The following TASP1 variants were observed in gnomAD, a reference collection of about 807,000 sequenced individuals.
TASP1 encodes threonine aspartase 1.
TASP1 carries 16 observed loss-of-function variants against 56.6 expected under a neutral mutation model. The observed-to-expected ratio is 0.28, with a 90% confidence interval of 0.19 to 0.43. The LOEUF is 0.43. Among genes scored for constraint, TASP1 ranks in the 20% least tolerant of loss-of-function variants. The probability of loss-of-function intolerance (pLI) is 1.00; values close to 1 mark genes in which losing one functional copy is unlikely to be tolerated. For missense variants in TASP1, 393 were observed against 511.6 expected, an observed-to-expected ratio of 0.77 and a Z score of 2.24; for synonymous variants, 179 against 184.2, an observed-to-expected ratio of 0.97 and a Z score of 0.23.
At chr20:13,489,550 G>C (rs1359746504) in intron 10 of TASP1, among the ~76,000 whole-genome samples, 1 of 152,034 alleles carries the variant, frequency 6.6e-6, no homozygotes, top group African/African-American at 2.4e-5. Context: ...AAAGAAAAAA[G>C]AAAGAAAACA....
the TASP1 span, among the ~76,000 whole-genome samples, chr20:13,240,236 A>G: frequency 1.3e-5 from 2 of 152,260 alleles, no homozygotes; most frequent in African/African-American, 4.8e-5. Flanking sequence ...CTTATGTTCT[A>G]GAAAGAAAAC....
chr20:13,437,476 T>C lies in TASP1; in HGVS notation c.986-2322A>G, dbSNP rs371175408. On this transcript the variant is annotated intron_variant, in intron 11 of 13. Coordinates refer to ENST00000337743, the MANE Select transcript of TASP1 (RefSeq NM_017714.3). ...GACAGGGATGCCCTCTCTCACCACT[T>C]CTATTCAACATAGTGTTGGAAGTTC... Among the ~76,000 whole-genome samples the C allele has an allele frequency of 3.3e-5, 5 of 152,198 alleles. No homozygotes were observed. In the South Asian group the frequency reaches 6.2e-4, roughly 19 times the overall value.
the TASP1 span, among the ~76,000 whole-genome samples, chr20:13,217,168 T>C: frequency 6.6e-6 from 1 of 152,232 alleles, no homozygotes. Flanking sequence ...AGATGCATAC[T>C]GAAATATGTA....
chr20:13,539,384 T>G (rs973389605), intron 8 of TASP1, among the ~76,000 whole-genome samples: 1 of 151,918 alleles, frequency 6.6e-6, no homozygotes, highest in Non-Finnish European at 1.5e-5. Context: ...ACCCTGCCTC[T>G]ACAAAAAATA....
chr20:13,589,830 A>C (rs906061172), intron 4 of TASP1, among the ~76,000 whole-genome samples: 19 of 152,364 alleles, frequency 1.2e-4, no homozygotes, highest in Non-Finnish European at 2.6e-4. Flanking sequence ...AAGATATATA[A>C]ATCAACAGCA....
At chr20:13,469,891 C>T (rs1014090626) in intron 11 of TASP1, among the ~76,000 whole-genome samples, 1 of 136,660 alleles carries the variant, frequency 7.3e-6, no homozygotes, top group African/African-American at 2.7e-5. Flanking sequence ...TCACTGCAAC[C>T]TCTGCTTCCT....
At chr20:13,202,548 CT>C in the TASP1 span, among the ~76,000 whole-genome samples, 1 of 152,188 alleles carries the variant, frequency 6.6e-6, no homozygotes, top group South Asian at 2.1e-4. Context: ...TCATGATTCA[CT>C]GTAAGACATG....
chr20:13,202,808 C>T, the TASP1 span, among the ~76,000 whole-genome samples: 1 of 152,172 alleles, frequency 6.6e-6, no homozygotes, highest in South Asian at 2.1e-4. Flanking sequence ...GAACAGAGTT[C>T]GAACAGTTGG....
the TASP1 span, among the ~76,000 whole-genome samples, chr20:13,346,841 A>T: frequency 6.6e-6 from 1 of 152,254 alleles, no homozygotes; most frequent in Non-Finnish European, 1.5e-5. Context: ...AGGGCATTTC[A>T]ATACACCATT....
chr20:13,622,754 G>C (rs780763754), intron 4 of TASP1, among the ~76,000 whole-genome samples: 3 of 152,074 alleles, frequency 2.0e-5, no homozygotes, highest in Non-Finnish European at 4.4e-5. Flanking sequence ...TTCTCAACCA[G>C]AAAAATATTT....
At chr20:13,431,821 G>A (rs1226430335) in intron 12 of TASP1, among the ~76,000 whole-genome samples, 1 of 152,088 alleles carries the variant, frequency 6.6e-6, no homozygotes, top group Non-Finnish European at 1.5e-5. Context: ...GGAACTGGTG[G>A]TTTTATAAGA....
At chr20:13,526,716 G>A (rs1233166592) in intron 10 of TASP1, among the ~76,000 whole-genome samples, 1 of 152,084 alleles carries the variant, frequency 6.6e-6, no homozygotes, top group Non-Finnish European at 1.5e-5. Flanking sequence ...AAGATAGGCA[G>A]GCATGAGAAG....
rs118101881 is a variant in TASP1 at position 13,560,803 on chromosome 20, A to T, written c.569-1689T>A. On this transcript the variant is annotated intron_variant, in intron 7 of 13. Transcript: ENST00000337743. ...AAAGAGAAGATGGTTACTTGAAGAA[A>T]TAATAGCTGAAAACTTGCCAAATTT... Among the ~76,000 whole-genome samples the T allele has an allele frequency of 3.2e-3, 492 of 152,318 alleles. 1 individual carries two copies. Among genetic ancestry groups the T allele is most frequent in the East Asian group, 0.011 (59 of 5,188 alleles).
At chr20:13,533,915 A>G (rs112397193) in intron 9 of TASP1, 107 bp downstream of exon 9, 3 of 1,296,812 alleles carry the variant, frequency 2.3e-6, no homozygotes, top group Non-Finnish European at 2.1e-6. Flanking sequence ...AAACAATGAC[A>G]TTCATTTTTT....
intron 13 of TASP1, among the ~76,000 whole-genome samples, chr20:13,414,828 A>G (rs1313332278): frequency 6.6e-6 from 1 of 152,112 alleles, no homozygotes; most frequent in East Asian, 1.9e-4. Flanking sequence ...TAAAAAAAAA[A>G]GACTTGTAAA....
At chr20:13,504,227 A>C (rs1181413018) in intron 10 of TASP1, among the ~76,000 whole-genome samples, 1 of 152,142 alleles carries the variant, frequency 6.6e-6, no homozygotes, top group Non-Finnish European at 1.5e-5. Context: ...CACATACAAG[A>C]AAATTCCCAA....
At chr20:13,123,224 G>A in the TASP1 span, among the ~76,000 whole-genome samples, 10 of 151,898 alleles carry the variant, frequency 6.6e-5, no homozygotes, top group Admixed American at 3.3e-4. Flanking sequence ...CCAGCTACTC[G>A]GGAGGCTGAA....
At chr20:13,303,513 A>G in the TASP1 span, among the ~76,000 whole-genome samples, 1 of 152,184 alleles carries the variant, frequency 6.6e-6, no homozygotes, top group Non-Finnish European at 1.5e-5. Context: ...TGTTAGGTAG[A>G]GCTCAGGGGC....
the TASP1 span, among the ~76,000 whole-genome samples, chr20:13,104,933 C>G: frequency 4.6e-5 from 7 of 152,006 alleles, no homozygotes; most frequent in Non-Finnish European, 8.8e-5. Flanking sequence ...ACCTAACAGT[C>G]CTTCCCTACT....
Sources: allele counts gnomAD v4.1 joint callset (sites outside exome capture counted in the v4.1 genomes callset), GRCh38; gene constraint gnomAD v4.1.1; transcripts MANE v1.5; gene names NCBI Gene and HGNC (gene_info 2026-07-23, HGNC 2026-07-21).